Variants in SYNDIG1 observed in about 807,000 individuals in gnomAD.
The protein encoded by SYNDIG1 is synapse differentiation inducing 1.
In SYNDIG1, 9 loss-of-function variants were observed where a neutral mutation model predicts 19.4. That is an observed-to-expected ratio of 0.46 (90% CI 0.28 to 0.81). The LOEUF is 0.81. Ranked by LOEUF, SYNDIG1 falls within the 30% of genes least tolerant of loss-of-function variation. SYNDIG1 has a pLI of 0.12. For synonymous variants in SYNDIG1, 141 were observed against 145.9 expected, an observed-to-expected ratio of 0.97 and a Z score of 0.24; for missense variants, 311 against 343.3, an observed-to-expected ratio of 0.91 and a Z score of 0.74.
At chr20:24,654,307 T>G (rs116332524) in intron 3 of SYNDIG1, among the ~76,000 whole-genome samples, 1 of 152,002 alleles carries the variant, frequency 6.6e-6, no homozygotes, top group South Asian at 2.1e-4. Flanking sequence ...AGGATTCTGA[T>G]TGATAGAGAG....
At chr20:24,610,539 A>T (rs1266159341) in intron 3 of SYNDIG1, among the ~76,000 whole-genome samples, 1 of 152,198 alleles carries the variant, frequency 6.6e-6, no homozygotes, top group Non-Finnish European at 1.5e-5. Context: ...CACACCACAC[A>T]CAAAAGAAGC....
intron 2 of SYNDIG1, among the ~76,000 whole-genome samples, chr20:24,579,332 G>A (rs531492701): frequency 4.0e-4 from 61 of 152,290 alleles, no homozygotes; most frequent in African/African-American, 1.4e-3. Flanking sequence ...CTCTTTTTAT[G>A]GCTGCAGAGT....
chr20:24,588,220 G>C (rs1325410846), intron 3 of SYNDIG1, among the ~76,000 whole-genome samples: 4 of 152,238 alleles, frequency 2.6e-5, no homozygotes, highest in African/African-American at 9.6e-5. Context: ...CTGCAGAGCA[G>C]CTGCTGCTGG....
At chr20:24,539,100 T>C (rs375979507) in intron 1 of SYNDIG1, among the ~76,000 whole-genome samples, 34 of 152,342 alleles carry the variant, frequency 2.2e-4, no homozygotes, top group African/African-American at 6.7e-4. Flanking sequence ...AATATCTAAA[T>C]TGTTATGAAG....
intron 3 of SYNDIG1, among the ~76,000 whole-genome samples, chr20:24,606,424 C>T (rs138137398): frequency 6.6e-6 from 1 of 152,336 alleles, no homozygotes; most frequent in Non-Finnish European, 1.5e-5. Context: ...CAGATAATTA[C>T]CCCAGATTTC....
At chr20:24,557,567 C>T (rs1187068255) in intron 2 of SYNDIG1, among the ~76,000 whole-genome samples, 1 of 152,154 alleles carries the variant, frequency 6.6e-6, no homozygotes, top group Non-Finnish European at 1.5e-5. Context: ...TGCTAGAGGT[C>T]CACTCCAGAC....
intron 3 of SYNDIG1, among the ~76,000 whole-genome samples, chr20:24,611,638 C>T (rs2058850092): frequency 2.0e-5 from 3 of 152,096 alleles, no homozygotes; most frequent in Non-Finnish European, 1.5e-5. Context: ...TCCCATGCCA[C>T]CCCTCCAGGA....
intron 1 of SYNDIG1, among the ~76,000 whole-genome samples, chr20:24,512,165 C>T (rs143924659): frequency 0.033 from 4,042 of 122,160 alleles, 239 homozygotes; most frequent in African/African-American, 0.12. Flanking sequence ...GCAGTGGTTC[C>T]AAGATGGCCG....
At chr20:24,526,180 T>A (rs1455851582) in intron 1 of SYNDIG1, among the ~76,000 whole-genome samples, 1 of 152,230 alleles carries the variant, frequency 6.6e-6, no homozygotes, top group Non-Finnish European at 1.5e-5. Flanking sequence ...AACAATTTAT[T>A]TTAATTGACA....
At chr20:24,625,801 C>A (rs766818314) in intron 3 of SYNDIG1, among the ~76,000 whole-genome samples, 3,926 of 152,292 alleles carry the variant, frequency 0.026, 8 homozygotes, top group African/African-American at 0.041. Context: ...ATTTCTCAAT[C>A]TTTTCCCCAC....
At chr20:24,512,861 C>T (rs1021137744) in intron 1 of SYNDIG1, among the ~76,000 whole-genome samples, 2 of 152,202 alleles carry the variant, frequency 1.3e-5, no homozygotes, top group African/African-American at 4.8e-5. Context: ...AGTAGCCTAA[C>T]TGGGAGGCAA....
chr20:24,470,478 C>T (rs1340548407), intron 1 of SYNDIG1, among the ~76,000 whole-genome samples: 3 of 152,224 alleles, frequency 2.0e-5, no homozygotes, highest in Non-Finnish European at 4.4e-5. Flanking sequence ...GGAGCCACAG[C>T]CCTGGCGCCG....
chr20:24,604,141 G>C (rs1358995837), intron 3 of SYNDIG1, among the ~76,000 whole-genome samples: 1 of 151,638 alleles, frequency 6.6e-6, no homozygotes, highest in Admixed American at 6.6e-5. Context: ...TCAAAGTTGT[G>C]TGCTTAGAAC....
At chr20:24,471,880 G>A (rs1165739392) in intron 1 of SYNDIG1, among the ~76,000 whole-genome samples, 1 of 152,000 alleles carries the variant, frequency 6.6e-6, no homozygotes, top group Admixed American at 6.6e-5. Context: ...CATTGTATAC[G>A]CATATCACAG....
intron 1 of SYNDIG1, among the ~76,000 whole-genome samples, chr20:24,485,333 T>C (rs1357387992): frequency 6.6e-6 from 1 of 152,242 alleles, no homozygotes; most frequent in Non-Finnish European, 1.5e-5. Context: ...GAGTCCATGA[T>C]GCAGAATCTG....
intron 3 of SYNDIG1, among the ~76,000 whole-genome samples, chr20:24,645,876 C>G (rs1260865040): frequency 6.6e-6 from 1 of 152,200 alleles, no homozygotes; most frequent in South Asian, 2.1e-4. Context: ...ACAGTGGGCT[C>G]TAGAGAGAAC....
chr20:24,475,864 T>G, intron 1 of SYNDIG1, among the ~76,000 whole-genome samples: 1 of 131,488 alleles, frequency 7.6e-6, no homozygotes, highest in Non-Finnish European at 1.6e-5. Flanking sequence ...GCATAGTATC[T>G]TTTTTTTTTT....
intron 2 of SYNDIG1, among the ~76,000 whole-genome samples, chr20:24,579,800 C>T (rs936431316): frequency 6.6e-6 from 1 of 152,190 alleles, no homozygotes; most frequent in African/African-American, 2.4e-5. Flanking sequence ...AGAAGTGAGC[C>T]ATGGGTGGTG....
chr20:24,497,947 G>T (rs1182025927), intron 1 of SYNDIG1, among the ~76,000 whole-genome samples: 1 of 152,228 alleles, frequency 6.6e-6, no homozygotes, highest in Non-Finnish European at 1.5e-5. Flanking sequence ...CCAGACCCAT[G>T]ATCTTACACT....
Sources: allele counts gnomAD v4.1 joint callset (sites outside exome capture counted in the v4.1 genomes callset), GRCh38; gene constraint gnomAD v4.1.1; transcripts MANE v1.5; gene names NCBI Gene and HGNC (gene_info 2026-07-23, HGNC 2026-07-21).